CGGBP1: variants seen among roughly 807,000 people sequenced by gnomAD.
CGGBP1 encodes CGG triplet repeat binding protein 1.
A neutral mutation model predicts 11.4 loss-of-function variants in CGGBP1; 4 were observed. The ratio of observed to expected loss-of-function variants is 0.35; its 90% CI spans 0.17 to 0.80. The LOEUF (loss-of-function observed/expected upper bound fraction) is 0.80. CGGBP1 is among the 30% of genes least tolerant of loss of function. The probability of loss-of-function intolerance (pLI) is 0.52; values close to 1 mark genes in which losing one functional copy is unlikely to be tolerated. For synonymous variants in CGGBP1, 76 were observed against 74.1 expected (o/e 1.03, Z -0.13); for missense variants, 135 against 202.1 (o/e 0.67, Z 2.01).
intron 2 of CGGBP1, among the ~76,000 whole-genome samples, chr3:88,097,817 C>T (rs530834225): frequency 2.6e-5 from 4 of 152,086 alleles, no homozygotes; most frequent in African/African-American, 4.8e-5. Flanking sequence ...AGAATATCTG[C>T]GACACATTTA....
chr3:88,071,957 G>A (rs1409542005), intron 2 of CGGBP1, among the ~76,000 whole-genome samples: 7 of 152,186 alleles, frequency 4.6e-5, no homozygotes, highest in Admixed American at 4.6e-4. Flanking sequence ...ATAAAATGCT[G>A]TATTTTTCTT....
chr3:88,120,765 A>C (rs1289927027), intron 2 of CGGBP1, among the ~76,000 whole-genome samples: 1 of 151,508 alleles, frequency 6.6e-6, no homozygotes, highest in East Asian at 1.9e-4. Flanking sequence ...AAAAAGGATG[A>C]AACTAAAATA....
chr3:88,071,328 G>A lies in CGGBP1; in HGVS notation c.-228-13105C>T, dbSNP rs1178047368. On this transcript the variant is annotated intron_variant, in intron 2 of 3. Coordinates refer to the CGGBP1 transcript ENST00000462901. ...AGTTTGAGACCAGCCTGGCCAACAT[G>A]GTGAAACCCTGTCCCTACTAAAGAC... is the stretch of plus-strand genomic sequence containing the variant. 4.6e-5 allele frequency among the ~76,000 whole-genome samples: 7 copies of A among 151,992 alleles called. No individual in the cohort carries two copies. In the East Asian group the frequency reaches 1.2e-3, roughly 25 times the overall value.
At chr3:88,095,456 C>T (rs1224193587) in intron 2 of CGGBP1, 9 of 373,224 alleles carry the variant, frequency 2.4e-5, no homozygotes, top group Admixed American at 1.5e-4. Context: ...CCTCAAGGTA[C>T]GCATGCAACA....
chr3:88,059,278 C>T (rs1305610988), upstream of CGGBP1: 1 of 1,532,200 alleles, frequency 6.5e-7, no homozygotes, highest in Non-Finnish European at 8.7e-7. Flanking sequence ...ACGGCGGCGG[C>T]GGCGGCGCAG....
chr3:88,141,086 AAG>A, intron 1 of CGGBP1: 1 of 1,534,022 alleles, frequency 6.5e-7, no homozygotes, highest in Non-Finnish European at 8.7e-7. Context: ...TATCTGTAGA[AAG>A]AGAAAATGGC....
chr3:88,134,091 A>G (rs1215053285), intron 2 of CGGBP1, among the ~76,000 whole-genome samples: 2 of 151,418 alleles, frequency 1.3e-5, no homozygotes, highest in African/African-American at 4.8e-5. Context: ...AGAGTTCTAA[A>G]AGAGTGTGAG....
chr3:88,056,958 CATAATG>C (rs1243633199), intron 3 of CGGBP1: 1 of 152,116 alleles, frequency 6.6e-6, no homozygotes, highest in Non-Finnish European at 1.5e-5. Context: ...GAAACCTTTA[CATAATG>C]AACATATTTT....
At chr3:88,136,922 C>T (rs1242688023) in intron 2 of CGGBP1, among the ~76,000 whole-genome samples, 2 of 152,034 alleles carry the variant, frequency 1.3e-5, no homozygotes, top group African/African-American at 4.8e-5. Flanking sequence ...AGGCTGGGCG[C>T]GATGGCTTAC....
At chr3:88,069,247 C>T (rs569529608) in intron 2 of CGGBP1, among the ~76,000 whole-genome samples, 1 of 152,218 alleles carries the variant, frequency 6.6e-6, no homozygotes, top group African/African-American at 2.4e-5. Flanking sequence ...CATGGTGAAA[C>T]CCCATCTCTA....
chr3:88,061,750 T>C (rs1297666873), upstream of CGGBP1, among the ~76,000 whole-genome samples: 6 of 152,220 alleles, frequency 3.9e-5, no homozygotes, highest in Non-Finnish European at 7.4e-5. Flanking sequence ...CGAAGATTTC[T>C]TTTTAAAAAT....
chr3:88,083,046 CTCCTCCCTCT>C (rs982297015), intron 2 of CGGBP1, among the ~76,000 whole-genome samples: 10 of 151,928 alleles, frequency 6.6e-5, no homozygotes, highest in Middle Eastern at 3.4e-3. Context: ...CTCCTCACTC[CTCCTCCCTCT>C]TCCTCCCTCT....
Sources: gnomAD v4.1 joint callset for allele counts (sites outside exome capture counted in the v4.1 genomes callset) on GRCh38, gnomAD v4.1.1 for gene constraint, MANE v1.5 for transcripts, NCBI Gene and HGNC (gene_info 2026-07-23, HGNC 2026-07-21) for gene names.